TXNRD1: variants seen among roughly 807,000 people sequenced by gnomAD.
TXNRD1 encodes the protein thioredoxin reductase 1, cytoplasmic.
A neutral mutation model predicts 80.3 loss-of-function variants in TXNRD1; 57 were observed. That is an observed-to-expected ratio of 0.71 (90% CI 0.57 to 0.89). The LOEUF (loss-of-function observed/expected upper bound fraction) is 0.89. Among genes scored for constraint, TXNRD1 ranks in the 40% least tolerant of loss-of-function variants. The pLI is 0.00. For synonymous variants in TXNRD1, 291 were observed against 285.2 expected (o/e 1.02, Z -0.20); for missense variants, 730 against 803.0 (o/e 0.91, Z 1.10).
intron 4 of TXNRD1, chr12:104,309,873 G>A: frequency 6.5e-7 from 1 of 1,535,824 alleles, no homozygotes; most frequent in Non-Finnish European, 8.7e-7. Context: ...GTGCAGTCTT[G>A]CCCCCACTGT....
chr12:104,222,030 G>A (rs2032368551), intron 1 of TXNRD1, among the ~76,000 whole-genome samples: 1 of 152,122 alleles, frequency 6.6e-6, no homozygotes, highest in South Asian at 2.1e-4. Flanking sequence ...TGAGTGTAGT[G>A]TGGCCAGACC....
intron 12 of TXNRD1, 76 bp downstream of exon 12, chr12:104,326,499 CTT>C (rs905066708): frequency 1.4e-5 from 12 of 831,536 alleles, no homozygotes; most frequent in African/African-American, 4.5e-5. Context: ...GAGTTTCTCT[CTT>C]GTCTCCCAGG....
chr12:104,251,901 T>C (rs1057060684), intron 2 of TXNRD1, among the ~76,000 whole-genome samples: 2 of 151,814 alleles, frequency 1.3e-5, no homozygotes, highest in African/African-American at 2.4e-5. Flanking sequence ...CCATCTCTAC[T>C]AAAAATACAA....
chr12:104,302,612 A>C (rs2034681736), intron 4 of TXNRD1, among the ~76,000 whole-genome samples: 1 of 147,344 alleles, frequency 6.8e-6, no homozygotes, highest in South Asian at 2.1e-4. Flanking sequence ...GCCTCAGCCT[A>C]CCGAGTAGCT....
chr12:104,217,979 C>T (rs1247771121), intron 1 of TXNRD1, among the ~76,000 whole-genome samples: 1 of 151,742 alleles, frequency 6.6e-6, no homozygotes, highest in African/African-American at 2.4e-5. Flanking sequence ...TACACACACA[C>T]ATATATACAC....
intron 13 of TXNRD1, among the ~76,000 whole-genome samples, chr12:104,330,854 C>T (rs1178674980): frequency 6.6e-6 from 1 of 152,140 alleles, no homozygotes; most frequent in Non-Finnish European, 1.5e-5. Context: ...TCCCAAAGTG[C>T]TCGGATTACA....
At chr12:104,309,812 CTGTGTTT>C in intron 4 of TXNRD1, 1 of 1,534,824 alleles carries the variant, frequency 6.5e-7, no homozygotes, top group South Asian at 1.2e-5. Context: ...TGACTACTGG[CTGTGTTT>C]ACCAGCCTCT....
intron 1 of TXNRD1, among the ~76,000 whole-genome samples, chr12:104,230,788 G>A (rs983607474): frequency 1.8e-4 from 27 of 152,198 alleles, no homozygotes; most frequent in Non-Finnish European, 5.9e-5. Flanking sequence ...ACTTATATGA[G>A]GAGGCTGGAG....
At position 104,265,498 on chromosome 12, in the gene TXNRD1, T is replaced by C; in HGVS notation, c.304+7419T>C. The C allele has an allele frequency of 3.7e-6, 6 of 1,610,836 alleles. No individual in the cohort carries two copies. The South Asian group carries it at 6.6e-5, about 18-fold the overall frequency. Reference sequence around the variant, plus strand: ...GAAGTCTTCAGGGGAGATTGTCTACTGTGGGCAGGTGTTTGAGAAGTCCCC... The same window carrying C: ...GAAGTCTTCAGGGGAGATTGTCTACCGTGGGCAGGTGTTTGAGAAGTCCCC... On this transcript the variant is annotated intron_variant, in intron 3 of 16. Transcript: ENST00000525566.
intron 3 of TXNRD1, among the ~76,000 whole-genome samples, chr12:104,288,225 A>C (rs1427678720): frequency 6.6e-6 from 1 of 152,178 alleles, no homozygotes; most frequent in East Asian, 1.9e-4. Flanking sequence ...TCCTGACCTC[A>C]TGATCCACCC....
chr12:104,299,675 G>C (rs2034554006), intron 4 of TXNRD1, among the ~76,000 whole-genome samples: 1 of 150,812 alleles, frequency 6.6e-6, no homozygotes. Context: ...GCTGAGGCAG[G>C]AGAATCACTT....
rs1347187964 is a variant in TXNRD1, at chr12:104,313,268, G to A, written c.561G>A (p.Lys187=). The change falls in exon 6 of 17, where the codon AAG becomes AAA. Residue 187 remains lysine (K), a synonymous_variant. Coordinates refer to ENST00000525566, the MANE Select transcript of TXNRD1 (RefSeq NM_001093771.3). The part of the protein sequence containing the change: ...AAKEAAQYGK[K]VMVLDFVTPT... ...AGGAGGCAGCCCAATATGGCAAGAA[G>A]GTGATGGTCCTGGACTTTGTCACTC... 2 of 1,589,786 alleles carry A rather than the reference G, an allele frequency of 1.3e-6. No homozygotes were observed. The highest frequency in any genetic ancestry group is 1.3e-5 in the African/African-American group (1 of 74,482).
At chr12:104,311,914 G>A (rs928168528) in intron 5 of TXNRD1, among the ~76,000 whole-genome samples, 3 of 152,012 alleles carry the variant, frequency 2.0e-5, no homozygotes, top group Admixed American at 1.3e-4. Flanking sequence ...CTTGGAGGCC[G>A]AGTTTGCAGT....
At chr12:104,336,982 A>C (rs2036160563) in intron 15 of TXNRD1, among the ~76,000 whole-genome samples, 1 of 148,448 alleles carries the variant, frequency 6.7e-6, no homozygotes, top group Non-Finnish European at 1.5e-5. Context: ...TCACTTCAAA[A>C]GGTAAAACTT....
chr12:104,242,179 T>G (rs1025417327), intron 1 of TXNRD1, among the ~76,000 whole-genome samples: 1 of 151,508 alleles, frequency 6.6e-6, no homozygotes, highest in African/African-American at 2.4e-5. Flanking sequence ...CCTCAGGTGA[T>G]CCACCCACCT....
intron 4 of TXNRD1, among the ~76,000 whole-genome samples, chr12:104,292,278 C>T (rs1344752136): frequency 2.0e-5 from 3 of 152,170 alleles, no homozygotes; most frequent in Non-Finnish European, 4.4e-5. Context: ...GTGTAGTCTC[C>T]AGACCACCTG....
chr12:104,240,791 G>A (rs989188449), intron 1 of TXNRD1, among the ~76,000 whole-genome samples: 38 of 147,056 alleles, frequency 2.6e-4, no homozygotes, highest in Non-Finnish European at 4.4e-4. Flanking sequence ...CACCCAGGCT[G>A]GAGTGCAATG....
chr12:104,325,234 G>C (rs1012928345), intron 10 of TXNRD1, 103 bp from the exon 11 acceptor site: 1 of 845,018 alleles, frequency 1.2e-6, no homozygotes, highest in Non-Finnish European at 1.9e-6. Flanking sequence ...TTTCAAGCAC[G>C]ATTTTATATT....
Position 104,293,723 on chromosome 12 carries a change from A to G in TXNRD1, c.414+4683A>G, listed in dbSNP as rs1229854123. Among the ~76,000 whole-genome samples the G allele has an allele frequency of 2.0e-5, 3 of 152,206 alleles. No individual in the cohort carries two copies. The East Asian group carries it at 5.8e-4, about 29-fold the overall frequency. On this transcript the variant is annotated intron_variant, in intron 4 of 16. Coordinates refer to ENST00000525566, the MANE Select transcript of TXNRD1 (RefSeq NM_001093771.3). ...CCTGTGTGCGGCGACGAGAGAGTGTAGAAATAAAGACACAAGACAAAGAGA... is the reference window on the plus strand; with the variant it reads ...CCTGTGTGCGGCGACGAGAGAGTGTGGAAATAAAGACACAAGACAAAGAGA...
Sources: gnomAD v4.1 joint callset for allele counts (sites outside exome capture counted in the v4.1 genomes callset) on GRCh38, gnomAD v4.1.1 for gene constraint, MANE v1.5 for transcripts, NCBI Gene and HGNC (gene_info 2026-07-23, HGNC 2026-07-21) for gene names.